The following STK32B variants were observed in gnomAD, a reference collection of about 807,000 sequenced individuals.
The protein encoded by STK32B is serine/threonine-protein kinase 32B.
Under a neutral mutation model 52.6 loss-of-function variants are expected in STK32B, and 43 were observed. The observed-to-expected ratio is 0.82, with a 90% confidence interval of 0.64 to 1.05. The LOEUF (loss-of-function observed/expected upper bound fraction) is 1.05. Among genes scored for constraint, STK32B ranks in the 50% least tolerant of loss-of-function variants. The pLI is 0.00. For missense variants in STK32B, 621 were observed against 534.6 expected (o/e 1.16, Z -1.59); for synonymous variants, 238 against 204.3 (o/e 1.17, Z -1.41).
chr4:5,391,468 G>A (rs980485542), intron 4 of STK32B, among the ~76,000 whole-genome samples: 2 of 152,196 alleles, frequency 1.3e-5, no homozygotes, highest in Non-Finnish European at 2.9e-5. Context: ...TTAGGTACCT[G>A]GGTAGACATG....
chr4:5,166,882 C>T (rs142859542), intron 2 of STK32B, among the ~76,000 whole-genome samples: 22 of 152,258 alleles, frequency 1.4e-4, no homozygotes, highest in South Asian at 4.2e-4. Flanking sequence ...AGTCCCTCCT[C>T]GGCGTGTTGG....
At chr4:5,375,406 G>T (rs2109017223) in intron 4 of STK32B, among the ~76,000 whole-genome samples, 1 of 152,186 alleles carries the variant, frequency 6.6e-6, no homozygotes, top group Non-Finnish European at 1.5e-5. Flanking sequence ...TGATAAATCT[G>T]CTATTTTTCT....
At chr4:5,226,814 G>A (rs575636595) in intron 3 of STK32B, among the ~76,000 whole-genome samples, 3 of 152,146 alleles carry the variant, frequency 2.0e-5, no homozygotes, top group Non-Finnish European at 4.4e-5. Flanking sequence ...AAGAAACCTG[G>A]TTATATAGGG....
At chr4:5,347,874 C>G (rs546430497) in intron 4 of STK32B, among the ~76,000 whole-genome samples, 1 of 152,242 alleles carries the variant, frequency 6.6e-6, no homozygotes, top group Non-Finnish European at 1.5e-5. Flanking sequence ...TAAGTCCTCC[C>G]CAGCCATGCA....
At chr4:5,210,982 A>G (rs1243049229) in intron 3 of STK32B, among the ~76,000 whole-genome samples, 1 of 151,394 alleles carries the variant, frequency 6.6e-6, no homozygotes, top group Non-Finnish European at 1.5e-5. Flanking sequence ...TTGTGTAGAG[A>G]TGGGGTCTAA....
intron 4 of STK32B, among the ~76,000 whole-genome samples, chr4:5,347,557 A>G (rs772503841): frequency 2.0e-5 from 3 of 152,166 alleles, no homozygotes; most frequent in Non-Finnish European, 2.9e-5. Context: ...TGGTGTTTCA[A>G]GATTGCTGAC....
rs540172547 is a variant in STK32B at position 5,294,324 on chromosome 4, C to T, written c.261-36896C>T. Among the ~76,000 whole-genome samples, 49 of 150,910 alleles carry T rather than the reference C, an allele frequency of 3.2e-4. No individual in the cohort carries two copies. The South Asian group carries it at 5.4e-3, about 17-fold the overall frequency. ...AAGTAGTTTTTTTTCTAAATGGTAG[C>T]GTGATGGGAATAGCATTGAATCTAT... On this transcript the variant is annotated intron_variant, in intron 3 of 11. Transcript: ENST00000282908.
chr4:5,078,505 C>T (rs1409288353), intron 1 of STK32B, among the ~76,000 whole-genome samples: 2 of 152,188 alleles, frequency 1.3e-5, no homozygotes, highest in Admixed American at 6.5e-5. Context: ...GGGTCTTTGC[C>T]ACTAGCCAAA....
chr4:5,467,490 G>A lies in STK32B; in HGVS notation c.1042-516G>A, dbSNP rs2109167596. Among the ~76,000 whole-genome samples the A allele has an allele frequency of 6.6e-6, 1 of 152,246 alleles. No homozygotes were observed. On this transcript the variant is annotated intron_variant, in intron 10 of 11. Coordinates refer to ENST00000282908, the MANE Select transcript of STK32B (RefSeq NM_018401.3). This position sits in a 1 kb window ranked among gnomAD's most constrained non-coding sequence, Gnocchi z 5.8. ...CTTCATATAAGGACCCCAGTCATTG[G>A]TCTTAGGGCCTACCTAATTCACTGT...
intron 4 of STK32B, among the ~76,000 whole-genome samples, chr4:5,336,703 C>A (rs543275552): frequency 6.6e-6 from 1 of 151,776 alleles, no homozygotes; most frequent in Non-Finnish European, 1.5e-5. Flanking sequence ...AAAGAAAATA[C>A]GAGACAAAGC....
At chr4:5,089,194 C>G (rs1450906764) in intron 1 of STK32B, among the ~76,000 whole-genome samples, 1 of 151,396 alleles carries the variant, frequency 6.6e-6, no homozygotes, top group Non-Finnish European at 1.5e-5. Flanking sequence ...TAACCAAGAT[C>G]TAATAGACAA....
chr4:5,358,893 A>G (rs28390183), intron 4 of STK32B, among the ~76,000 whole-genome samples: 15,219 of 152,190 alleles, frequency 0.1, 1,198 homozygotes, highest in Admixed American at 0.21. Flanking sequence ...GGGTTAACAC[A>G]TATACTTTAT....
chr4:5,047,727 T>C (rs910234571), upstream of STK32B, among the ~76,000 whole-genome samples: 5 of 152,008 alleles, frequency 3.3e-5, no homozygotes, highest in African/African-American at 1.2e-4. Flanking sequence ...AGGTGGTGAG[T>C]CAACGCATGA....
At chr4:5,193,631 T>C (rs1721409847) in intron 3 of STK32B, among the ~76,000 whole-genome samples, 1 of 152,266 alleles carries the variant, frequency 6.6e-6, no homozygotes, top group Admixed American at 6.5e-5. Flanking sequence ...TCCTGGCCCC[T>C]GCTCTTGCAG....
the STK32B span, among the ~76,000 whole-genome samples, chr4:5,023,602 A>T: frequency 9.2e-5 from 14 of 152,082 alleles, no homozygotes; most frequent in Admixed American, 9.2e-4. Context: ...TCATTCTTCA[A>T]TGTCTCTACC....
At chr4:5,211,692 G>A (rs915861716) in intron 3 of STK32B, among the ~76,000 whole-genome samples, 1 of 152,152 alleles carries the variant, frequency 6.6e-6, no homozygotes, top group Non-Finnish European at 1.5e-5. Context: ...ATGACCCCAT[G>A]AGGTCAGCAT....
In STK32B at chr4:5,394,294, C is replaced by T. The variant is rs1016964494; in HGVS notation, c.435-3913C>T. ...AACTCTGAAATTATGGGTCTGTCCT[C>T]AGGAAACATCGTCACCGCCTTCCCA... is the stretch of plus-strand genomic sequence containing the variant. On this transcript the variant is annotated intron_variant, in intron 4 of 11. Coordinates refer to ENST00000282908, the MANE Select transcript of STK32B (RefSeq NM_018401.3). The surrounding 1 kb of genome is among the most constrained non-coding windows in gnomAD (Gnocchi z 4.2). Among the ~76,000 whole-genome samples, 1 of 152,156 alleles carries T rather than the reference C, an allele frequency of 6.6e-6. No individual in the cohort carries two copies. Among genetic ancestry groups the T allele is most frequent in the African/African-American group, 2.4e-5 (1 of 41,426 alleles).
chr4:5,195,285 G>T (rs1721551380), intron 3 of STK32B, among the ~76,000 whole-genome samples: 1 of 152,140 alleles, frequency 6.6e-6, no homozygotes, highest in African/African-American at 2.4e-5. Context: ...TCACATAGAA[G>T]TAAGGAAATG....
intron 11 of STK32B, among the ~76,000 whole-genome samples, chr4:5,480,984 G>A (rs1395364229): frequency 6.6e-6 from 1 of 152,070 alleles, no homozygotes; most frequent in Non-Finnish European, 1.5e-5. Flanking sequence ...GTCTATCATT[G>A]TTGGACATTT....
Sources: gnomAD v4.1 joint callset for allele counts (sites outside exome capture counted in the v4.1 genomes callset) on GRCh38, gnomAD v4.1.1 for gene constraint, Gnocchi (gnomAD v3.1) non-coding constraint, MANE v1.5 for transcripts, NCBI Gene and HGNC (gene_info 2026-07-23, HGNC 2026-07-21) for gene names.